Variants in DIAPH1 observed in about 807,000 individuals in gnomAD.
The protein encoded by DIAPH1 is protein diaphanous homolog 1.
Under a neutral mutation model 140.7 loss-of-function variants are expected in DIAPH1, and 46 were observed. That is an observed-to-expected ratio of 0.33 (90% CI 0.26 to 0.42). The LOEUF is 0.42. DIAPH1 is among the 10% of genes least tolerant of loss of function. The pLI is 1.00. For missense variants in DIAPH1, 1,310 were observed against 1,558.7 expected (o/e 0.84, Z 2.69); for synonymous variants, 565 against 551.6 (o/e 1.02, Z -0.34).
intron 18 of DIAPH1, chr5:141,558,564 G>A (rs1210710903): frequency 6.6e-6 from 1 of 152,288 alleles, no homozygotes; most frequent in East Asian, 1.9e-4. Flanking sequence ...GTATCCGCAC[G>A]GCTGGAAGAC....
intron 17 of DIAPH1, 41 bp from the exon 18 acceptor site, chr5:141,571,477 T>A: frequency 6.3e-7 from 1 of 1,590,880 alleles, no homozygotes; most frequent in Non-Finnish European, 8.6e-7. Context: ...GCATCCAATA[T>A]TGGAAAGAAA....
In DIAPH1 at chr5:141,518,554, T is replaced by C. The variant is rs576001576; in HGVS notation, c.3662-1546A>G. On this transcript the variant is annotated intron_variant, in intron 27 of 27. Transcript: ENST00000389054. ...CTTTTTTTTTTTTTTTTTGATGGAA[T>C]CTCAGTCGCCCAGGCTGGAGTGCAG... 111 of 156,110 alleles carry C rather than the reference T, an allele frequency of 7.1e-4. 3 individuals are homozygous for C. The East Asian group carries it at 0.019, about 26-fold the overall frequency. The allele number at this position is 156,110 out of a possible 1,614,324, so 9.7% of individuals were successfully genotyped here.
At chr5:141,553,672 C>G (rs1223687129) in intron 18 of DIAPH1, among the ~76,000 whole-genome samples, 1 of 151,462 alleles carries the variant, frequency 6.6e-6, no homozygotes, top group African/African-American at 2.4e-5. Context: ...AACATCGTCT[C>G]AAATGCATAT....
intron 1 of DIAPH1, among the ~76,000 whole-genome samples, chr5:141,599,610 C>T (rs1416372137): frequency 6.6e-6 from 1 of 152,192 alleles, no homozygotes; most frequent in East Asian, 1.9e-4. Flanking sequence ...TGCCATCATG[C>T]CCAGCCAGGT....
intron 7 of DIAPH1, chr5:141,582,088 G>GAAAAAAA: frequency 6.2e-6 from 1 of 161,682 alleles, no homozygotes; most frequent in Non-Finnish European, 1.2e-5. Flanking sequence ...AAAAAAAAAA[G>GAAAAAAA]AGAGAGAAAC....
At chr5:141,574,620 G>A (rs1358502500) in intron 15 of DIAPH1, among the ~76,000 whole-genome samples, 1 of 152,044 alleles carries the variant, frequency 6.6e-6, no homozygotes, top group East Asian at 1.9e-4. Flanking sequence ...GAGTGTGTAA[G>A]GATAAATCTG....
At chr5:141,573,414 G>A (rs1366486708) in intron 16 of DIAPH1, 78 bp downstream of exon 16, 18 of 1,533,872 alleles carry the variant, frequency 1.2e-5, no homozygotes, top group East Asian at 7.0e-5. Context: ...CAGCCTGGGC[G>A]ACAGAGCGAA....
At chr5:141,598,187 C>T (rs1330042037) in intron 1 of DIAPH1, among the ~76,000 whole-genome samples, 2 of 152,266 alleles carry the variant, frequency 1.3e-5, no homozygotes, top group South Asian at 2.1e-4. Context: ...CTTTTATACA[C>T]ATGTTAGATT....
Position 141,573,563 on chromosome 5 carries a change from G to C in DIAPH1, c.2287C>G (p.Leu763Val). ...FGFGVPAAPV[L>V]PFGLTPKKLY... ...TTTTTGGGGGTTAATCCAAATGGCA[G>C]AACTGGGGCTGCAGGAACTCCAAAT... is the stretch of plus-strand genomic sequence containing the variant. The change falls in exon 16 of 28, where the codon CTG becomes GTG. Residue 763 changes from leucine to valine, a missense_variant. By Grantham distance (32) the Leu-to-Val change is conservative (BLOSUM62 1). Transcript: ENST00000389054. 6.2e-7 allele frequency: 1 copy of C among 1,613,794 alleles called. No homozygotes were observed. The highest frequency in any genetic ancestry group is 8.5e-7 in the Non-Finnish European group (1 of 1,179,886).
intron 1 of DIAPH1, among the ~76,000 whole-genome samples, chr5:141,599,991 T>C (rs1440810597): frequency 6.6e-6 from 1 of 152,160 alleles, no homozygotes; most frequent in Non-Finnish European, 1.5e-5. Context: ...GCCTCCCAAG[T>C]AGTGGGGCCT....
At chr5:141,534,131 T>C (rs2099888672) in intron 19 of DIAPH1, among the ~76,000 whole-genome samples, 1 of 151,980 alleles carries the variant, frequency 6.6e-6, no homozygotes, top group South Asian at 2.1e-4. Flanking sequence ...CTTGTTTCCT[T>C]GACATAAAAC....
chr5:141,548,051 T>C (rs1428849029), intron 18 of DIAPH1, among the ~76,000 whole-genome samples: 3 of 151,938 alleles, frequency 2.0e-5, no homozygotes, highest in African/African-American at 4.8e-5. Flanking sequence ...ACTAAAAAAT[T>C]AGCTGGATGC....
intron 18 of DIAPH1, among the ~76,000 whole-genome samples, chr5:141,543,693 T>A (rs1399946412): frequency 6.6e-6 from 1 of 152,192 alleles, no homozygotes; most frequent in Non-Finnish European, 1.5e-5. Context: ...GTTTGGTAAG[T>A]TAGGTGTTAT....
At position 141,524,145 on chromosome 5, in the gene DIAPH1, T is replaced by G; in HGVS notation, c.3659A>C (p.Gln1220Pro). 1 of 1,614,056 alleles carries G rather than the reference T, an allele frequency of 6.2e-7. No homozygotes were observed. Among genetic ancestry groups the G allele is most frequent in the East Asian group, 2.2e-5 (1 of 44,856 alleles). ...ATGAGCTCCATGTGCTTACTTACCT[T>G]GACGGGGCCCTCTCTTCCGTCGGAA... The part of the protein sequence containing the change: ...AAFRRKRGPR[Q>P]ANRKAGCAVT... The change falls in exon 27 of 28, where the codon CAA (glutamine) becomes CCA (proline). Residue 1220 changes from glutamine (Q) to proline (P), a missense_variant and splice_region_variant. By Grantham distance (76) the Gln-to-Pro change is moderately conservative. Coordinates refer to ENST00000389054, the MANE Select transcript of DIAPH1 (RefSeq NM_005219.5).
intron 18 of DIAPH1, among the ~76,000 whole-genome samples, chr5:141,534,738 C>CT (rs1201569287): frequency 6.6e-6 from 1 of 152,198 alleles, no homozygotes; most frequent in African/African-American, 2.4e-5. Context: ...CTATTTTAGG[C>CT]TTTGCAGGCC....
rs202086273 is a variant in DIAPH1 at position 141,516,835 on chromosome 5, G to C, written c.*16C>G. On this transcript the variant is annotated 3_prime_UTR_variant, in exon 28 of 28. Transcript: ENST00000389054. ...TGCGGCTCCGCTGAGGAGCTGCCGC[G>C]GTCACAGGACCCACATTAGCTTGCA... The C allele has an allele frequency of 4.3e-6, 7 of 1,613,730 alleles. No homozygotes were observed. The Middle Eastern group carries it at 7.0e-4, about 161-fold the overall frequency.
At chr5:141,570,668 C>T (rs910218476) in intron 18 of DIAPH1, among the ~76,000 whole-genome samples, 4 of 152,062 alleles carry the variant, frequency 2.6e-5, no homozygotes, top group African/African-American at 9.7e-5. Flanking sequence ...AATAAATGCT[C>T]CAAAGTTGCA....
intron 19 of DIAPH1, among the ~76,000 whole-genome samples, chr5:141,534,033 CA>C (rs35815835): frequency 0.011 from 541 of 49,984 alleles, 1 homozygote; most frequent in South Asian, 0.057. Context: ...GACTGTGTCT[CA>C]AAAAAAAAAA....
chr5:141,618,856 C>A lies in DIAPH1; in HGVS notation c.59G>T (p.Gly20Val), dbSNP rs761061179. 1 of 1,535,302 alleles carries A rather than the reference C, an allele frequency of 6.5e-7. No individual in the cohort carries two copies. Among genetic ancestry groups the A allele is most frequent in the Admixed American group, 2.0e-5 (1 of 49,700 alleles). Residue 20 changes from glycine to valine, a missense_variant, in exon 1 of 28, where the codon GGC becomes GTC. By Grantham distance (109) the Gly-to-Val change is moderately radical. Around this residue, in one of 3 missense-constraint regions of DIAPH1, gnomAD observed 377 missense variants for 497.1 expected, o/e 0.76. Transcript: ENST00000389054. Reference sequence around the variant, plus strand: ...CGAGGGCAGCTCATCTGGGCTCCGGCCCTTCTTCTTGTCCCGGGTCCCGCG... The same window carrying A: ...CGAGGGCAGCTCATCTGGGCTCCGGACCTTCTTCTTGTCCCGGGTCCCGCG... ...PGRGTRDKKK[G>V]RSPDELPSAG...
Sources: allele counts gnomAD v4.1 joint callset (sites outside exome capture counted in the v4.1 genomes callset), GRCh38; gene constraint gnomAD v4.1.1; regional missense constraint gnomAD v4.1.1; transcripts MANE v1.5; gene names NCBI Gene and HGNC (gene_info 2026-07-23, HGNC 2026-07-21).